PCDHGA6: variants seen among roughly 807,000 people sequenced by gnomAD.
The protein encoded by PCDHGA6 is protocadherin gamma-A6.
In PCDHGA6, 41 loss-of-function variants were observed where a neutral mutation model predicts 60.6. The ratio of observed to expected loss-of-function variants is 0.68; its 90% CI spans 0.53 to 0.88. The LOEUF (loss-of-function observed/expected upper bound fraction) is 0.88, where lower values mean the gene tolerates loss of function less well. Ranked by LOEUF, PCDHGA6 falls within the 40% of genes least tolerant of loss-of-function variation. The probability of loss-of-function intolerance (pLI) is 0.00; values close to 1 mark genes in which losing one functional copy is unlikely to be tolerated. For missense variants in PCDHGA6, 1,312 were observed against 1,203.0 expected (o/e 1.09, Z -1.34); for synonymous variants, 594 against 524.4 (o/e 1.13, Z -1.81).
At chr5:141,423,783 A>G in intron 1 of PCDHGA6, 1 of 1,264,712 alleles carries the variant, frequency 7.9e-7, no homozygotes, top group South Asian at 1.9e-5. Context: ...TATTTAGTTC[A>G]TATATATTTA....
chr5:141,482,530 C>CA (rs3074545), intron 1 of PCDHGA6, among the ~76,000 whole-genome samples: 3,839 of 76,186 alleles, frequency 0.05, 137 homozygotes, highest in East Asian at 0.1. Context: ...GACAGACATG[C>CA]AAAAAAAAAA....
rs545261528 is a variant in PCDHGA6 at position 141,404,038 on chromosome 5, G to C, written c.2424+27531G>C. 4.3e-6 allele frequency: 7 copies of C among 1,613,858 alleles called. No individual in the cohort carries two copies. The African/African-American group carries it at 8.0e-5, about 18-fold the overall frequency. ...GCCCAGTGAGAGAAGACGCACCTCA[G>C]GGAACAGTAATTCTTCTTTTCAATG... On this transcript the variant is annotated intron_variant, in intron 1 of 3. Coordinates refer to ENST00000517434, the MANE Select transcript of PCDHGA6 (RefSeq NM_018919.3).
rs544291535 is a variant in PCDHGA6 at position 141,433,938 on chromosome 5, C to T, written c.2424+57431C>T. 4.6e-5 allele frequency among the ~76,000 whole-genome samples: 7 copies of T among 151,784 alleles called. No homozygotes were observed. The South Asian group carries it at 1.3e-3, about 27-fold the overall frequency. On this transcript the variant is annotated intron_variant, in intron 1 of 3. Coordinates refer to ENST00000517434, the MANE Select transcript of PCDHGA6 (RefSeq NM_018919.3). ...CCTCCAAATGAAGATTTTATAATTCCATTGTTTCTTCTACAGTTGTTAATT... is the reference window on the plus strand; with the variant it reads ...CCTCCAAATGAAGATTTTATAATTCTATTGTTTCTTCTACAGTTGTTAATT...
At chr5:141,446,102 A>C (rs751362645) in intron 1 of PCDHGA6, among the ~76,000 whole-genome samples, 1 of 152,214 alleles carries the variant, frequency 6.6e-6, no homozygotes, top group Non-Finnish European at 1.5e-5. Context: ...TGAATTATAG[A>C]TATATTTAGG....
At chr5:141,410,394 T>C in intron 1 of PCDHGA6, 1 of 1,614,054 alleles carries the variant, frequency 6.2e-7, no homozygotes, top group Non-Finnish European at 8.5e-7. Context: ...CATCCTGGTC[T>C]CTGTGTCAAG....
At chr5:141,468,774 G>A (rs1229480462) in intron 1 of PCDHGA6, among the ~76,000 whole-genome samples, 4 of 152,028 alleles carry the variant, frequency 2.6e-5, no homozygotes, top group Non-Finnish European at 4.4e-5. Flanking sequence ...GCTGAGGCAG[G>A]AGAATGGCGT....
At position 141,398,050 on chromosome 5, in the gene PCDHGA6, T is replaced by C. The variant is rs558695876; in HGVS notation, c.2424+21543T>C. Reference sequence around the variant, plus strand: ...ACTGGAACTAAAGCCCGTTCGGAGATCCAAAAATCTACAATACAGAGGTTA... The same window carrying C: ...ACTGGAACTAAAGCCCGTTCGGAGACCCAAAAATCTACAATACAGAGGTTA... On this transcript the variant is annotated intron_variant, in intron 1 of 3. Coordinates refer to ENST00000517434, the MANE Select transcript of PCDHGA6 (RefSeq NM_018919.3). 12 of 1,510,524 alleles carry C rather than the reference T, an allele frequency of 7.9e-6. No individual in the cohort carries two copies. The African/African-American group carries it at 1.1e-4, about 14-fold the overall frequency. 93.6% of individuals were successfully genotyped at this position (1,510,524 alleles called of 1,614,324 possible). A position where few individuals can be genotyped will look rare whatever the true frequency, so the allele number is the denominator to read the frequency against.
intron 1 of PCDHGA6, chr5:141,393,518 A>C: frequency 6.2e-7 from 1 of 1,614,030 alleles, no homozygotes; most frequent in Non-Finnish European, 8.5e-7. Context: ...TGTTGGATAC[A>C]AATGACAATG....
chr5:141,481,877 G>A (rs535267598), intron 1 of PCDHGA6, among the ~76,000 whole-genome samples: 4 of 144,402 alleles, frequency 2.8e-5, no homozygotes, highest in African/African-American at 7.8e-5. Context: ...TCGCGCCACT[G>A]CACTCCAGCC....
chr5:141,403,401 C>T (rs746777998), intron 1 of PCDHGA6: 1 of 1,614,052 alleles, frequency 6.2e-7, no homozygotes, highest in South Asian at 1.1e-5. Context: ...GTTCCTGGAG[C>T]ACGTTATCCA....
Position 141,379,889 on chromosome 5 carries a change from C to CTTTTTT in PCDHGA6, c.2424+3407_2424+3412dup, listed in dbSNP as rs70988800. Among the ~76,000 whole-genome samples the CTTTTTT allele has an allele frequency of 6.7e-3, 342 of 50,826 alleles. 49 individuals carry two copies. Among genetic ancestry groups the CTTTTTT allele is most frequent in the African/African-American group, 8.9e-3 (134 of 15,072 alleles). 33.3% of individuals were successfully genotyped at this position (50,826 alleles called of 152,430 possible). On this transcript the variant is annotated intron_variant, in intron 1 of 3. Transcript: ENST00000517434. ...CTTATTTTATGGTCTGTGAAAGCCT[C>CTTTTTT]TTTTTTTTTTTTTTTTTTTTTTTTT...
chr5:141,409,608 C>T, intron 1 of PCDHGA6: 18 of 1,613,942 alleles, frequency 1.1e-5, no homozygotes, highest in Non-Finnish European at 1.4e-5. Flanking sequence ...CCGCCAGGAG[C>T]CTCCATTGCG....
At chr5:141,389,146 C>G (rs567517174) in intron 1 of PCDHGA6, 2 of 1,613,996 alleles carry the variant, frequency 1.2e-6, no homozygotes, top group Non-Finnish European at 1.7e-6. Context: ...ATAACCGTTA[C>G]GGCAACAGAT....
intron 1 of PCDHGA6, chr5:141,395,539 TG>T: frequency 9.6e-6 from 2 of 208,432 alleles, no homozygotes; most frequent in Non-Finnish European, 1.6e-5. Flanking sequence ...ATTTTGCTAT[TG>T]TTTGTGTGTG....
intron 1 of PCDHGA6, chr5:141,479,537 T>C (rs1299169562): frequency 6.6e-6 from 1 of 152,230 alleles, no homozygotes; most frequent in Non-Finnish European, 1.5e-5. Context: ...GTGGAGAAGG[T>C]CAAAACTGCT....
chr5:141,415,740 G>GTTTTTTTTTTTTTTTT (rs57426385), intron 1 of PCDHGA6: 34 of 625,042 alleles, frequency 5.4e-5, no homozygotes, highest in African/African-American at 2.0e-4. Flanking sequence ...GTTTATTAAG[G>GTTTTTTTTTTTTTTTT]TTTTTTTTTT....
chr5:141,416,096 T>C (rs2095991930), intron 1 of PCDHGA6: 1 of 161,152 alleles, frequency 6.2e-6, no homozygotes, highest in South Asian at 2.0e-4. Flanking sequence ...AGAAGGGCAA[T>C]AGGCCTTTTT....
At position 141,393,580 on chromosome 5, in the gene PCDHGA6, C is replaced by A. The variant is rs756625630; in HGVS notation, c.2424+17073C>A. 5.6e-6 allele frequency: 9 copies of A among 1,613,758 alleles called. No individual in the cohort carries two copies. In the South Asian group the frequency reaches 9.9e-5, roughly 18 times the overall value. ...CGAGTGAAAGTCCTTGAGAACATGC[C>A]CCCAGGCACGCGGCTGCTTACTGTA... is the stretch of plus-strand genomic sequence containing the variant. On this transcript the variant is annotated intron_variant, in intron 1 of 3. Transcript: ENST00000517434.
In PCDHGA6 at chr5:141,388,074, C is replaced by T. The variant is rs770542956; in HGVS notation, c.2424+11567C>T. 1.6e-5 allele frequency: 22 copies of T among 1,363,892 alleles called. No homozygotes were observed. In the South Asian group the frequency reaches 2.8e-4, roughly 17 times the overall value. 84.5% of individuals were successfully genotyped at this position (1,363,892 alleles called of 1,614,324 possible). On this transcript the variant is annotated intron_variant, in intron 1 of 3. Transcript: ENST00000517434. ...GTTCAGCGTCCAGGAGTTACCGACT[C>T]GAAAACTGCGCGTCAGTTCGGAGAA...
Sources: allele counts gnomAD v4.1 joint callset (sites outside exome capture counted in the v4.1 genomes callset), GRCh38; gene constraint gnomAD v4.1.1; transcripts MANE v1.5; gene names NCBI Gene and HGNC (gene_info 2026-07-23, HGNC 2026-07-21).